Variants in FBXW8 observed in about 807,000 individuals in gnomAD.
FBXW8 encodes F-box/WD repeat-containing protein 8.
FBXW8 carries 57 observed loss-of-function variants against 65.3 expected under a neutral mutation model. That is an observed-to-expected ratio of 0.87 (90% CI 0.71 to 1.09). FBXW8 has a LOEUF of 1.09. FBXW8 is among the 50% of genes least tolerant of loss of function. FBXW8 has a pLI of 0.00. For missense variants in FBXW8, 777 were observed against 814.8 expected, an observed-to-expected ratio of 0.95 and a Z score of 0.57; for synonymous variants, 308 against 330.2, an observed-to-expected ratio of 0.93 and a Z score of 0.73.
At position 116,947,110 on chromosome 12, in the gene FBXW8, G is replaced by A. The variant is rs1041152843; in HGVS notation, c.588+1582G>A. On this transcript the variant is annotated intron_variant, in intron 3 of 10. Transcript: ENST00000652555. ...GTCCTTGTTGGGCCTGGAGGTGGCA[G>A]AAGTGACGATATTTTAAAGACCCAT... 3.3e-5 allele frequency among the ~76,000 whole-genome samples: 5 copies of A among 152,286 alleles called. No individual in the cohort carries two copies. The East Asian group carries it at 9.7e-4, about 29-fold the overall frequency.
chr12:116,950,659 T>A (rs1883214390), intron 4 of FBXW8: 1 of 152,248 alleles, frequency 6.6e-6, no homozygotes, highest in Non-Finnish European at 1.5e-5. Flanking sequence ...TTAAACAAGA[T>A]GTACCCAGGA....
chr12:117,004,812 C>T (rs544841221), intron 7 of FBXW8, among the ~76,000 whole-genome samples: 112 of 151,616 alleles, frequency 7.4e-4, no homozygotes, highest in South Asian at 1.5e-3. Flanking sequence ...TCTCCAGGCT[C>T]CTGACACTGG....
intron 8 of FBXW8, among the ~76,000 whole-genome samples, chr12:117,010,956 T>A (rs1202316256): frequency 3.9e-5 from 6 of 152,192 alleles, no homozygotes; most frequent in Non-Finnish European, 5.9e-5. Context: ...TTAGCAGCCT[T>A]CTCTTTAATG....
At chr12:116,993,223 C>T (rs2135682826) in intron 7 of FBXW8, among the ~76,000 whole-genome samples, 1 of 149,326 alleles carries the variant, frequency 6.7e-6, no homozygotes, top group Admixed American at 6.9e-5. Flanking sequence ...CCAGCCTTAG[C>T]CTCCCGAGTA....
chr12:116,931,118 C>T (rs1881739193), intron 2 of FBXW8, among the ~76,000 whole-genome samples: 1 of 152,224 alleles, frequency 6.6e-6, no homozygotes, highest in Non-Finnish European at 1.5e-5. Context: ...ATCCAGTTCT[C>T]ACAACACCAT....
rs1954295608 is a variant in FBXW8 at position 117,028,656 on chromosome 12, C to T, written c.*484C>T. On this transcript the variant is annotated 3_prime_UTR_variant, in exon 11 of 11. Coordinates refer to ENST00000652555, the MANE Select transcript of FBXW8 (RefSeq NM_153348.3). This position sits in a 1 kb window ranked among gnomAD's most constrained non-coding sequence, Gnocchi z 4.1. ...CCCTGTATTTACTTGGGGTGCTCTTCTGTGACACTTGCCACCACCACCTTC... is the reference window on the plus strand; with the variant it reads ...CCCTGTATTTACTTGGGGTGCTCTTTTGTGACACTTGCCACCACCACCTTC... 6.3e-6 allele frequency: 1 copy of T among 158,744 alleles called. No homozygotes were observed. Among genetic ancestry groups the T allele is most frequent in the African/African-American group, 2.4e-5 (1 of 41,646 alleles). The allele number at this position is 158,744 out of a possible 1,614,324, so 9.8% of individuals were successfully genotyped here. A position where few individuals can be genotyped will look rare whatever the true frequency, so the allele number is the denominator to read the frequency against.
chr12:116,957,623 T>C (rs1052462450), intron 4 of FBXW8, among the ~76,000 whole-genome samples: 1 of 152,146 alleles, frequency 6.6e-6, no homozygotes, highest in South Asian at 2.1e-4. Context: ...ATGTTGCCCA[T>C]ATATACTTAC....
At chr12:116,993,815 A>G (rs554721709) in intron 7 of FBXW8, among the ~76,000 whole-genome samples, 26 of 152,344 alleles carry the variant, frequency 1.7e-4, no homozygotes, top group African/African-American at 6.0e-4. Flanking sequence ...TTATTTGCCT[A>G]GGCCAATGTC....
At chr12:116,932,759 CTT>C (rs547698443) in intron 2 of FBXW8, among the ~76,000 whole-genome samples, 28 of 152,298 alleles carry the variant, frequency 1.8e-4, no homozygotes, top group Admixed American at 1.2e-3. Context: ...GTCTCCATCT[CTT>C]GACCTCGTGA....
At chr12:116,944,495 C>T (rs61936976) in intron 2 of FBXW8, among the ~76,000 whole-genome samples, 1 of 152,170 alleles carries the variant, frequency 6.6e-6, no homozygotes, top group African/African-American at 2.4e-5. Context: ...CGCTACCACT[C>T]TTCATTAGAA....
At chr12:116,989,817 A>ACT (rs1247434300) in intron 7 of FBXW8, among the ~76,000 whole-genome samples, 1 of 152,226 alleles carries the variant, frequency 6.6e-6, no homozygotes, top group African/African-American at 2.4e-5. Context: ...GACTGTTAGT[A>ACT]GTTTCCTTAA....
At chr12:116,946,510 C>T (rs1019860652) in intron 3 of FBXW8, among the ~76,000 whole-genome samples, 3 of 152,102 alleles carry the variant, frequency 2.0e-5, no homozygotes, top group Non-Finnish European at 2.9e-5. Context: ...CCCCATTAGA[C>T]GCCAGTAGCA....
chr12:117,009,573 C>T (rs1191150755), intron 7 of FBXW8, among the ~76,000 whole-genome samples: 2 of 152,144 alleles, frequency 1.3e-5, no homozygotes, highest in African/African-American at 4.8e-5. Flanking sequence ...CAGTGACTGA[C>T]ACATAGGAAG....
chr12:116,932,000 G>A (rs185529057), intron 2 of FBXW8, among the ~76,000 whole-genome samples: 9 of 152,070 alleles, frequency 5.9e-5, no homozygotes, highest in Non-Finnish European at 1.0e-4. Flanking sequence ...CCTTTATTGT[G>A]TTAAAGTACA....
intron 1 of FBXW8, among the ~76,000 whole-genome samples, chr12:116,917,420 T>C (rs1190384945): frequency 6.6e-6 from 1 of 152,168 alleles, no homozygotes; most frequent in African/African-American, 2.4e-5. Context: ...CCACTTGACA[T>C]GAATGGGAAA....
At chr12:117,023,858 G>A (rs887541337) in intron 8 of FBXW8, among the ~76,000 whole-genome samples, 5 of 152,226 alleles carry the variant, frequency 3.3e-5, no homozygotes, top group Admixed American at 2.0e-4. Flanking sequence ...GCCAACCTGC[G>A]CATGCAGTCA....
At chr12:116,929,773 A>G (rs1358131753) in intron 2 of FBXW8, among the ~76,000 whole-genome samples, 1 of 152,168 alleles carries the variant, frequency 6.6e-6, no homozygotes, top group African/African-American at 2.4e-5. Flanking sequence ...TGTACAGTAG[A>G]GCTCTGAACT....
Position 116,976,195 on chromosome 12 carries a change from G to A in FBXW8, c.836-9011G>A, listed in dbSNP as rs116969650. 1.6e-4 allele frequency among the ~76,000 whole-genome samples: 25 copies of A among 152,218 alleles called. No individual in the cohort carries two copies. The East Asian group carries it at 4.4e-3, about 27-fold the overall frequency. ...CAATTTAATGCCATTTAAAAACAAT[G>A]TTACATGATTACTTAGAAAAGAATG... On this transcript the variant is annotated intron_variant, in intron 5 of 10. Transcript: ENST00000652555.
At chr12:116,989,184 A>G (rs2135676904) in intron 7 of FBXW8, among the ~76,000 whole-genome samples, 1 of 152,314 alleles carries the variant, frequency 6.6e-6, no homozygotes, top group Admixed American at 6.5e-5. Flanking sequence ...ATCATAGTAT[A>G]CATAGTGTTC....
Sources: allele counts gnomAD v4.1 joint callset (sites outside exome capture counted in the v4.1 genomes callset), GRCh38; gene constraint gnomAD v4.1.1; non-coding constraint Gnocchi (gnomAD v3.1); transcripts MANE v1.5; gene names NCBI Gene and HGNC (gene_info 2026-07-23, HGNC 2026-07-21).